The following ANKRD30A variants were observed in gnomAD, a reference collection of about 807,000 sequenced individuals.
ANKRD30A encodes ankyrin repeat domain-containing protein 30A.
In ANKRD30A, 170 loss-of-function variants were observed where a neutral mutation model predicts 166.3. The ratio of observed to expected loss-of-function variants is 1.02; its 90% confidence interval spans 0.90 to 1.16. The LOEUF (loss-of-function observed/expected upper bound fraction) is 1.16, where lower values mean the gene tolerates loss of function less well. Ranked by LOEUF, ANKRD30A falls within the 50% of genes most tolerant of loss-of-function variation. The probability of loss-of-function intolerance (pLI) is 0.00; values close to 1 mark genes in which losing one functional copy is unlikely to be tolerated. For missense variants in ANKRD30A, 1,630 were observed against 1,518.0 expected (o/e 1.07, Z -1.23); for synonymous variants, 564 against 508.9 (o/e 1.11, Z -1.46).
chr10:37,178,056 C>T lies in ANKRD30A; in HGVS notation c.2421+1838C>T, dbSNP rs1392676483. Among the ~76,000 whole-genome samples the T allele has an allele frequency of 4.0e-5, 6 of 151,092 alleles. 1 individual carries two copies. Among genetic ancestry groups the T allele is most frequent in the Admixed American group, 1.3e-4 (2 of 15,184 alleles). ...TAAATGAAGACTGAGAAAGACAGAG[C>T]GTACAGAGAGTACATGAAGGAACAA... On this transcript the variant is annotated intron_variant, in intron 24 of 35. Transcript: ENST00000361713.
At chr10:37,244,700 A>T in the ANKRD30A span, among the ~76,000 whole-genome samples, 1 of 152,068 alleles carries the variant, frequency 6.6e-6, no homozygotes. Context: ...TACACAGAAT[A>T]TTTTTCCTGC....
chr10:37,152,101 G>T lies in ANKRD30A; in HGVS notation c.1687G>T (p.Glu563Ter), dbSNP rs1260954432. The change falls in exon 12 of 36, where the codon GAA becomes TAA. Residue 563 changes from glutamate to a stop codon, truncating the protein, a stop_gained. Coordinates refer to ENST00000361713, the MANE Select transcript of ANKRD30A (RefSeq NM_052997.3). LOFTEE classifies it high-confidence loss of function. ...AGAATCCAAACAAAAGGACTATGAA[G>T]AAAATTCTTGGGATTCTGAGGTACT... ...PPESKQKDYE[E>*]NSWDSESLCE... 1.2e-6 allele frequency: 2 copies of T among 1,608,810 alleles called. No homozygotes were observed. The highest frequency in any genetic ancestry group is 8.5e-7 in the Non-Finnish European group (1 of 1,176,926).
At chr10:37,155,844 G>T (rs765691735) in intron 13 of ANKRD30A, among the ~76,000 whole-genome samples, 3 of 152,088 alleles carry the variant, frequency 2.0e-5, no homozygotes, top group Non-Finnish European at 2.9e-5. Context: ...CACTTTGGGA[G>T]GGCGACGCGG....
intron 31 of ANKRD30A, among the ~76,000 whole-genome samples, chr10:37,208,883 C>A (rs932369578): frequency 1.3e-5 from 2 of 152,162 alleles, no homozygotes; most frequent in Admixed American, 6.6e-5. Flanking sequence ...TATCAGCACA[C>A]GACTTTATTC....
At chr10:37,233,449 G>T (rs1028593312), downstream of ANKRD30A, among the ~76,000 whole-genome samples, 2 of 152,070 alleles carry the variant, frequency 1.3e-5, no homozygotes, top group African/African-American at 4.8e-5. Flanking sequence ...ACAAGATAAT[G>T]AAAACATGTA....
chr10:37,130,219 T>G lies in ANKRD30A; in HGVS notation c.351T>G (p.His117Gln). The stretch of plus-strand genomic sequence containing the variant: ...AATACTGACAGGCTCTACAATGCCA[T>G]CAGGAGGCTTGTGCAAATATTCTGA... ...RTPLMKALQC[H>Q]QEACANILID... is the part of the protein sequence containing the mutation. The change falls in exon 3 of 36, where the codon CAT becomes CAG. Residue 117 changes from histidine (H) to glutamine (Q), a missense_variant. Around this residue, in one of 4 missense-constraint regions of ANKRD30A, gnomAD observed 904 missense variants for 818.5 expected, o/e 1.10. Coordinates refer to ENST00000361713, the MANE Select transcript of ANKRD30A (RefSeq NM_052997.3). The G allele has an allele frequency of 6.3e-7, 1 of 1,594,318 alleles. No individual in the cohort carries two copies. The highest frequency in any genetic ancestry group is 1.4e-5 in the African/African-American group (1 of 73,422).
intron 29 of ANKRD30A, among the ~76,000 whole-genome samples, chr10:37,198,332 A>T (rs769326356): frequency 3.3e-5 from 5 of 152,066 alleles, no homozygotes; most frequent in Admixed American, 6.6e-5. Context: ...AAACATCCGT[A>T]TAGGACACAG....
rs138738555 is a variant in ANKRD30A at position 37,193,817 on chromosome 10, C to G, written c.2614+559C>G. On this transcript the variant is annotated intron_variant, in intron 27 of 35. Coordinates refer to ENST00000361713, the MANE Select transcript of ANKRD30A (RefSeq NM_052997.3). ...ACCCCAAAGCATTTGGCCTTGGTGTCTTTTAATGCTACTGTAATGAATTGC... is the reference window on the plus strand; with the variant it reads ...ACCCCAAAGCATTTGGCCTTGGTGTGTTTTAATGCTACTGTAATGAATTGC... 2.6e-3 allele frequency among the ~76,000 whole-genome samples: 398 copies of G among 152,240 alleles called. 2 individuals carry two copies. The highest frequency in any genetic ancestry group is 0.018 in the East Asian group (94 of 5,184).
chr10:37,190,544 G>A (rs1840465605), intron 25 of ANKRD30A, among the ~76,000 whole-genome samples: 1 of 151,842 alleles, frequency 6.6e-6, no homozygotes, highest in Admixed American at 6.6e-5. Flanking sequence ...TGTCGAATGG[G>A]AAGAATCAAG....
chr10:37,165,722 T>C (rs1839273492), intron 18 of ANKRD30A, among the ~76,000 whole-genome samples: 1 of 152,164 alleles, frequency 6.6e-6, no homozygotes, highest in Non-Finnish European at 1.5e-5. Flanking sequence ...AGTAGTCTTT[T>C]GAAAAATATA....
In ANKRD30A at chr10:37,136,166, A is replaced by G. The variant is rs1160013986; in HGVS notation, c.756-441A>G. 2.6e-5 allele frequency among the ~76,000 whole-genome samples: 4 copies of G among 152,292 alleles called. No homozygotes were observed. The East Asian group carries it at 7.7e-4, about 29-fold the overall frequency. Reference sequence around the variant, plus strand: ...CAAGAACAAATTATTTCATTGCTTCACTATTTCTTTGAGCATTTTTAAAAT... The same window carrying G: ...CAAGAACAAATTATTTCATTGCTTCGCTATTTCTTTGAGCATTTTTAAAAT... On this transcript the variant is annotated intron_variant, in intron 5 of 35. Transcript: ENST00000361713.
At chr10:37,259,393 A>T in the ANKRD30A span, among the ~76,000 whole-genome samples, 2 of 152,212 alleles carry the variant, frequency 1.3e-5, no homozygotes, top group Non-Finnish European at 2.9e-5. Context: ...GATATGGAAC[A>T]ACTAGAACTG....
intron 31 of ANKRD30A, among the ~76,000 whole-genome samples, chr10:37,205,169 C>G (rs1564567641): frequency 6.6e-6 from 1 of 151,932 alleles, no homozygotes; most frequent in Admixed American, 6.6e-5. Context: ...TTGCAGCACT[C>G]TTCACAATAG....
rs939530705 is a variant in ANKRD30A at position 37,159,872 on chromosome 10, T to C, written c.1900+1286T>C. 9.2e-5 allele frequency among the ~76,000 whole-genome samples: 14 copies of C among 152,208 alleles called. No individual in the cohort carries two copies. The East Asian group carries it at 1.7e-3, about 19-fold the overall frequency. ...ACCATGCCCGGCTAATGTTTTGTGT[T>C]TTTAGTAGAGACAGGGTTTCAGTGT... On this transcript the variant is annotated intron_variant, in intron 15 of 35. Coordinates refer to ENST00000361713, the MANE Select transcript of ANKRD30A (RefSeq NM_052997.3).
the ANKRD30A span, among the ~76,000 whole-genome samples, chr10:37,239,243 G>A: frequency 2.0e-5 from 3 of 152,072 alleles, no homozygotes; most frequent in East Asian, 1.9e-4. Flanking sequence ...ATGCAGCTAC[G>A]TGATACTTTC....
the ANKRD30A span, among the ~76,000 whole-genome samples, chr10:37,246,239 T>C: frequency 6.6e-6 from 1 of 152,216 alleles, no homozygotes; most frequent in Non-Finnish European, 1.5e-5. Flanking sequence ...AAAGTAAAAA[T>C]TACTTATTTT....
Position 37,158,686 on chromosome 10 carries a change from T to G in ANKRD30A, c.1900+100T>G. 2.0e-6 allele frequency: 3 copies of G among 1,499,896 alleles called. No homozygotes were observed. The South Asian group carries it at 3.8e-5, about 19-fold the overall frequency. The allele number at this position is 1,499,896 out of a possible 1,614,324, so 92.9% of individuals were successfully genotyped here. On this transcript the variant is annotated intron_variant, in intron 15 of 35. Coordinates refer to ENST00000361713, the MANE Select transcript of ANKRD30A (RefSeq NM_052997.3). ...TCCCAATGTTGTTTTCTATTCAAAA[T>G]TTGATGGGATATTTTGATACAATAA...
chr10:37,162,234 T>A (rs1838962391), intron 15 of ANKRD30A, among the ~76,000 whole-genome samples: 1 of 152,196 alleles, frequency 6.6e-6, no homozygotes, highest in Admixed American at 6.5e-5. Context: ...ATGTCAGTTC[T>A]ACATTCAGCT....
intron 31 of ANKRD30A, among the ~76,000 whole-genome samples, chr10:37,203,134 A>T (rs890665867): frequency 6.6e-6 from 1 of 152,214 alleles, no homozygotes; most frequent in African/African-American, 2.4e-5. Context: ...AACTCATTTT[A>T]TGAGGCCAGC....
Sources: gnomAD v4.1 joint callset for allele counts (sites outside exome capture counted in the v4.1 genomes callset) on GRCh38, gnomAD v4.1.1 for gene constraint, gnomAD v4.1.1 regional missense constraint, MANE v1.5 for transcripts, NCBI Gene and HGNC (gene_info 2026-07-23, HGNC 2026-07-21) for gene names.